Variants in LDB1 observed in about 807,000 individuals in gnomAD.
LDB1 encodes LIM domain-binding protein 1.
A neutral mutation model predicts 49.7 loss-of-function variants in LDB1; 6 were observed. The ratio of observed to expected loss-of-function variants is 0.12; its 90% CI spans 0.07 to 0.24. LDB1 has a LOEUF of 0.24. Among genes scored for constraint, LDB1 ranks in the 10% least tolerant of loss-of-function variants. The pLI is 1.00. For missense variants in LDB1, 341 were observed against 561.7 expected, an observed-to-expected ratio of 0.61 and a Z score of 3.97; for synonymous variants, 233 against 202.0, an observed-to-expected ratio of 1.15 and a Z score of -1.30.
chr10:102,110,882 T>C lies in LDB1; in HGVS notation c.339A>G (p.Gly113=). 6.2e-7 allele frequency: 1 copy of C among 1,613,926 alleles called. No individual in the cohort carries two copies. Among genetic ancestry groups the C allele is most frequent in the Non-Finnish European group, 8.5e-7 (1 of 1,179,842 alleles). Residue 113 remains glycine, a synonymous_variant, in exon 5 of 11, where the codon GGA becomes GGG. Coordinates refer to ENST00000673968, the MANE Select transcript of LDB1 (RefSeq NM_001113407.3). ...MLTITFCLED[G]PKRYTIGRTL... ...GAGGCCACTTACTATATCTCTTTGG[T>C]CCATCCTCCAGGCAGAAAGTGATGG...
downstream of LDB1, among the ~76,000 whole-genome samples, chr10:102,104,666 C>T (rs1291737305): frequency 1.3e-5 from 2 of 152,132 alleles, no homozygotes; most frequent in East Asian, 3.9e-4. Flanking sequence ...CTACCCCCTG[C>T]CCCCAAGTAG....
At chr10:102,105,602 G>A (rs1246664069), downstream of LDB1, among the ~76,000 whole-genome samples, 1 of 151,866 alleles carries the variant, frequency 6.6e-6, no homozygotes, top group Non-Finnish European at 1.5e-5. Context: ...AGTCTGGAGA[G>A]TAGCAATCCT....
rs1283663818 is a variant in LDB1 at position 102,110,515 on chromosome 10, G to A, written c.525+14C>T. 3.1e-6 allele frequency: 5 copies of A among 1,605,386 alleles called. No individual in the cohort carries two copies. In the South Asian group the frequency reaches 4.5e-5, roughly 14 times the overall value. On this transcript the variant is annotated intron_variant, in intron 6 of 10. Coordinates refer to ENST00000673968, the MANE Select transcript of LDB1 (RefSeq NM_001113407.3). ...CAGGTGCCATGGTGTTCCACATCCA[G>A]CTGGGTTGCTGACCTGGGTGAACAT...
downstream of LDB1, among the ~76,000 whole-genome samples, chr10:102,102,239 T>C (rs1185622202): frequency 6.6e-6 from 1 of 152,226 alleles, no homozygotes; most frequent in African/African-American, 2.4e-5. Flanking sequence ...ATGATAGCCT[T>C]ATAAGTAAAT....
intron 1 of LDB1, chr10:102,114,680 G>T (rs1023460709): frequency 2.4e-6 from 2 of 829,358 alleles, no homozygotes; most frequent in Admixed American, 6.2e-5. Flanking sequence ...GGGGCGGGGG[G>T]CCGCGGGGAG....
intron 1 of LDB1, among the ~76,000 whole-genome samples, chr10:102,115,150 G>A (rs1216854059): frequency 2.6e-5 from 4 of 152,116 alleles, no homozygotes; most frequent in African/African-American, 7.2e-5. Flanking sequence ...GGGAGAGACA[G>A]GGGACGGATC....
intron 1 of LDB1, 26 bp downstream of exon 1, chr10:102,120,060 G>T: frequency 2.1e-6 from 3 of 1,430,944 alleles, no homozygotes. Flanking sequence ...GCAGGAAGGG[G>T]CCGAGTGGCC....
upstream of LDB1, chr10:102,120,598 C>A: frequency 6.1e-6 from 1 of 164,594 alleles, no homozygotes; most frequent in Non-Finnish European, 1.3e-5. Context: ...CGACGACGTG[C>A]GTGCGCCGCG....
downstream of LDB1, among the ~76,000 whole-genome samples, chr10:102,106,057 TACTCTAAGTACCCCAAG>T (rs1412909915): frequency 6.6e-6 from 1 of 152,004 alleles, no homozygotes; most frequent in Non-Finnish European, 1.5e-5. Context: ...GTCTCCCAGG[TACTCTAAGTACCCCAAG>T]ACCATCTAAC....
At chr10:102,112,246 C>T (rs72845614) in intron 1 of LDB1, among the ~76,000 whole-genome samples, 1 of 152,300 alleles carries the variant, frequency 6.6e-6, no homozygotes, top group Non-Finnish European at 1.5e-5. Flanking sequence ...TATGAGGTAG[C>T]AGGGCTGACC....
At chr10:102,119,986 C>T in intron 1 of LDB1, 100 bp downstream of exon 1, 1 of 921,270 alleles carries the variant, frequency 1.1e-6, no homozygotes, top group Non-Finnish European at 1.5e-6. Flanking sequence ...TTCCCCCATG[C>T]CATCGACGCC....
chr10:102,107,741 C>A lies in LDB1; in HGVS notation c.*352G>T, dbSNP rs2068184455. On this transcript the variant is annotated 3_prime_UTR_variant, in exon 11 of 11. Transcript: ENST00000673968. Reference sequence around the variant, plus strand: ...TAAGGGCTGTGGGTATAGACAACCCCAGGCTTGAAAGGGGTAAAGTCAGGG... The same window carrying A: ...TAAGGGCTGTGGGTATAGACAACCCAAGGCTTGAAAGGGGTAAAGTCAGGG... 1 of 333,776 alleles carries A rather than the reference C, an allele frequency of 3.0e-6. No individual in the cohort carries two copies. The highest frequency in any genetic ancestry group is 6.7e-5 in the East Asian group (1 of 14,958). 20.7% of individuals were successfully genotyped at this position (333,776 alleles called of 1,614,324 possible). A position where few individuals can be genotyped will look rare whatever the true frequency, so the allele number is the denominator to read the frequency against.
At position 102,107,006 on chromosome 10, in the gene LDB1, G is replaced by A. The variant is rs1353780888; in HGVS notation, c.*1087C>T. Among the ~76,000 whole-genome samples, 1 of 152,160 alleles carries A rather than the reference G, an allele frequency of 6.6e-6. No homozygotes were observed. The highest frequency in any genetic ancestry group is 1.5e-5 in the Non-Finnish European group (1 of 68,030). ...CTCCTTCCCCTCTATGAAGGACAGA[G>A]TAGGATTACATATGCAGTTGGAGGG... is the stretch of plus-strand genomic sequence containing the variant. On this transcript the variant is annotated 3_prime_UTR_variant, in exon 11 of 11. Transcript: ENST00000673968.
chr10:102,102,824 C>G (rs2068130106), downstream of LDB1, among the ~76,000 whole-genome samples: 1 of 152,122 alleles, frequency 6.6e-6, no homozygotes, highest in Non-Finnish European at 1.5e-5. Context: ...TGCTATGTTG[C>G]CCAGGCTGAA....
At position 102,111,633 on chromosome 10, in the gene LDB1, G is replaced by A. The variant is rs1590284327; in HGVS notation, c.26-97C>T. On this transcript the variant is annotated intron_variant, in intron 1 of 10. Coordinates refer to ENST00000673968, the MANE Select transcript of LDB1 (RefSeq NM_001113407.3). ...AAGGCAAGAAGATTGATTGAGCACA[G>A]GAGGTCGAGGCTGCAGGGACCAGCC... is the stretch of plus-strand genomic sequence containing the variant. 2.4e-5 allele frequency: 16 copies of A among 672,756 alleles called. No individual in the cohort carries two copies. In the East Asian group the frequency reaches 4.5e-4, roughly 19 times the overall value. 41.7% of individuals were successfully genotyped at this position (672,756 alleles called of 1,614,324 possible). A position where few individuals can be genotyped will look rare whatever the true frequency, so the allele number is the denominator to read the frequency against.
chr10:102,109,475 G>A lies in LDB1; in HGVS notation c.765C>T (p.Leu255=), dbSNP rs1347012580. ...GGCTGTAGGTCTTGTGGCGTGACATGAGCTCTTGCATGGGCTCGAGTATCA... is the reference window on the plus strand; with the variant it reads ...GGCTGTAGGTCTTGTGGCGTGACATAAGCTCTTGCATGGGCTCGAGTATCA... ...LCVILEPMQE[L]MSRHKTYSLS... Residue 255 remains leucine, a synonymous_variant, in exon 9 of 11, where the codon CTC becomes CTT. Transcript: ENST00000673968. This position sits in a 1 kb window ranked among gnomAD's most constrained non-coding sequence, Gnocchi z 5.8. 1 of 1,614,156 alleles carries A rather than the reference G, an allele frequency of 6.2e-7. No individual in the cohort carries two copies. The highest frequency in any genetic ancestry group is 1.1e-5 in the South Asian group (1 of 91,062).
chr10:102,118,090 G>T (rs1170812214), intron 1 of LDB1, among the ~76,000 whole-genome samples: 1 of 152,102 alleles, frequency 6.6e-6, no homozygotes, highest in Non-Finnish European at 1.5e-5. Flanking sequence ...CAAGGTGGGG[G>T]AAATCTTTGG....
At chr10:102,105,234 G>T (rs956389500), downstream of LDB1, among the ~76,000 whole-genome samples, 2 of 152,022 alleles carry the variant, frequency 1.3e-5, no homozygotes, top group African/African-American at 4.8e-5. Flanking sequence ...TGTCCTTCAG[G>T]CTGGCCAGAT....
intron 1 of LDB1, chr10:102,114,492 G>A (rs1023408586): frequency 8.1e-6 from 8 of 986,180 alleles, no homozygotes; most frequent in Non-Finnish European, 9.6e-6. Context: ...CTGACGGGGG[G>A]ACAACTTCAG....
Sources: gnomAD v4.1 joint callset for allele counts (sites outside exome capture counted in the v4.1 genomes callset) on GRCh38, gnomAD v4.1.1 for gene constraint, Gnocchi (gnomAD v3.1) non-coding constraint, MANE v1.5 for transcripts, NCBI Gene and HGNC (gene_info 2026-07-23, HGNC 2026-07-21) for gene names.